Variants in NKAIN2 observed in about 807,000 individuals in gnomAD.
NKAIN2 encodes sodium/potassium transporting ATPase interacting 2.
Under a neutral mutation model 32.6 loss-of-function variants are expected in NKAIN2, and 14 were observed. That is an observed-to-expected ratio of 0.43 (90% CI 0.28 to 0.67). The LOEUF is 0.67. NKAIN2 is among the 30% of genes least tolerant of loss of function. The pLI is 0.17. For missense variants in NKAIN2, 198 were observed against 258.3 expected, an observed-to-expected ratio of 0.77 and a Z score of 1.60; for synonymous variants, 80 against 87.2, an observed-to-expected ratio of 0.92 and a Z score of 0.46.
At chr6:123,948,508 A>G (rs1370025465) in intron 1 of NKAIN2, among the ~76,000 whole-genome samples, 1 of 148,530 alleles carries the variant, frequency 6.7e-6, no homozygotes, top group Non-Finnish European at 1.5e-5. Context: ...CATTTCCCTG[A>G]TGATTAGTGA....
intron 1 of NKAIN2, among the ~76,000 whole-genome samples, chr6:123,972,681 CA>C (rs1172811013): frequency 6.6e-6 from 1 of 152,104 alleles, no homozygotes; most frequent in Non-Finnish European, 1.5e-5. Context: ...TGTTACTACT[CA>C]AAAAATAGCC....
At chr6:124,734,980 A>G (rs1776865469) in intron 4 of NKAIN2, among the ~76,000 whole-genome samples, 1 of 151,880 alleles carries the variant, frequency 6.6e-6, no homozygotes, top group Admixed American at 6.6e-5. Flanking sequence ...TGCCTTCTCT[A>G]CTGCTCTAGA....
chr6:124,632,620 T>C (rs1783614316), intron 3 of NKAIN2, among the ~76,000 whole-genome samples: 1 of 152,216 alleles, frequency 6.6e-6, no homozygotes, highest in Non-Finnish European at 1.5e-5. Context: ...TACAGTGACC[T>C]TTCCACCAGT....
At chr6:124,786,557 C>T (rs1289664244) in intron 4 of NKAIN2, among the ~76,000 whole-genome samples, 2 of 151,984 alleles carry the variant, frequency 1.3e-5, no homozygotes, top group Admixed American at 1.3e-4. Context: ...GAATTTTAAT[C>T]TGATTTAGTT....
chr6:123,976,150 C>T (rs1436238999), intron 1 of NKAIN2, among the ~76,000 whole-genome samples: 1 of 150,484 alleles, frequency 6.6e-6, no homozygotes, highest in Non-Finnish European at 1.5e-5. Context: ...TTCATTAAAC[C>T]TCTTTTTCTT....
chr6:124,594,185 A>G (rs1376519603), intron 3 of NKAIN2, among the ~76,000 whole-genome samples: 2 of 152,260 alleles, frequency 1.3e-5, no homozygotes, highest in Non-Finnish European at 2.9e-5. Context: ...GCTTGCAGCT[A>G]TGAACTGAAG....
intron 1 of NKAIN2, among the ~76,000 whole-genome samples, chr6:124,114,702 G>A (rs1014306825): frequency 6.6e-6 from 1 of 152,108 alleles, no homozygotes; most frequent in South Asian, 2.1e-4. Flanking sequence ...CAGAAGAAAC[G>A]AGAGAATGTG....
At chr6:124,256,880 CTGT>C (rs1182562717) in intron 1 of NKAIN2, among the ~76,000 whole-genome samples, 5 of 88,756 alleles carry the variant, frequency 5.6e-5, no homozygotes, top group South Asian at 3.3e-4. Flanking sequence ...AATTAGCTTT[CTGT>C]TGTTTTTTTT....
At chr6:124,465,002 G>A (rs576707388) in intron 3 of NKAIN2, among the ~76,000 whole-genome samples, 8 of 152,028 alleles carry the variant, frequency 5.3e-5, no homozygotes, top group South Asian at 2.1e-4. Context: ...ATCCATGAGC[G>A]TGTACTGTTT....
intron 1 of NKAIN2, among the ~76,000 whole-genome samples, chr6:124,057,304 T>G (rs564107637): frequency 1.3e-5 from 2 of 152,072 alleles, no homozygotes; most frequent in Non-Finnish European, 2.9e-5. Flanking sequence ...ATGTTTCTTT[T>G]TAAATTTGTC....
chr6:124,736,128 T>A (rs1156887528), intron 4 of NKAIN2, among the ~76,000 whole-genome samples: 1 of 151,822 alleles, frequency 6.6e-6, no homozygotes, highest in Non-Finnish European at 1.5e-5. Context: ...CCAATAAACA[T>A]ATAAATGATA....
At chr6:124,638,887 C>CAAAAAAAAAAAAAAAAAAAAAAAAAAAA (rs35802663) in intron 3 of NKAIN2, among the ~76,000 whole-genome samples, 1 of 82,632 alleles carries the variant, frequency 1.2e-5, no homozygotes, top group Non-Finnish European at 2.2e-5. Context: ...GAGACTCTGT[C>CAAAAAAAAAAAAAAAAAAAAAAAAAAAA]AAAAAAAAAA....
chr6:124,786,920 G>A (rs1013670209), intron 4 of NKAIN2, among the ~76,000 whole-genome samples: 4 of 151,958 alleles, frequency 2.6e-5, no homozygotes, highest in Non-Finnish European at 5.9e-5. Flanking sequence ...GCTTTGTGCC[G>A]TGTTACTTCC....
At chr6:124,255,806 A>G (rs546401672) in intron 1 of NKAIN2, among the ~76,000 whole-genome samples, 1 of 152,320 alleles carries the variant, frequency 6.6e-6, no homozygotes, top group East Asian at 1.9e-4. Flanking sequence ...TTGCCTTAAA[A>G]TATGCTCTCA....
chr6:124,459,176 A>G (rs957012968), intron 3 of NKAIN2, among the ~76,000 whole-genome samples: 1 of 151,864 alleles, frequency 6.6e-6, no homozygotes, highest in African/African-American at 2.4e-5. Flanking sequence ...GGAGTCCCCA[A>G]AGACAAATAA....
intron 3 of NKAIN2, among the ~76,000 whole-genome samples, chr6:124,395,239 A>G (rs1292725296): frequency 1.3e-5 from 2 of 152,282 alleles, no homozygotes; most frequent in African/African-American, 4.8e-5. Flanking sequence ...CTATTCCCAC[A>G]GGATGAACAT....
In NKAIN2 at chr6:124,093,288, A is replaced by C. The variant is rs540225310; in HGVS notation, c.55-189717A>C. On this transcript the variant is annotated intron_variant, in intron 1 of 6. Transcript: ENST00000368417. ...TTACGGAGAATCAGTTTATTGTTGT[A>C]ATCATGCTGCCAAGATAATTGGGGT... Among the ~76,000 whole-genome samples the C allele has an allele frequency of 2.6e-5, 4 of 152,206 alleles. No individual in the cohort carries two copies. The East Asian group carries it at 5.8e-4, about 22-fold the overall frequency.
chr6:124,024,100 T>A (rs567351829), intron 1 of NKAIN2, among the ~76,000 whole-genome samples: 8 of 152,280 alleles, frequency 5.3e-5, no homozygotes, highest in African/African-American at 1.9e-4. Flanking sequence ...AGAAACTATA[T>A]TCTGCACTTG....
rs111595549 is a variant in NKAIN2, at chr6:123,881,181, G to A, written c.54+76927G>A. ...GGATTATAGGCGGCCACCACCACACGCAGCTATTTTTTGTACTTTTAGTAG... is the reference window on the plus strand; with the variant it reads ...GGATTATAGGCGGCCACCACCACACACAGCTATTTTTTGTACTTTTAGTAG... On this transcript the variant is annotated intron_variant, in intron 1 of 6. Transcript: ENST00000368417. Among the ~76,000 whole-genome samples the A allele has an allele frequency of 4.9e-3, 753 of 152,136 alleles. 2 individuals are homozygous for A. The highest frequency in any genetic ancestry group is 0.017 in the African/African-American group (709 of 41,508).
Sources: gnomAD v4.1 joint callset for allele counts (sites outside exome capture counted in the v4.1 genomes callset) on GRCh38, gnomAD v4.1.1 for gene constraint, MANE v1.5 for transcripts, NCBI Gene and HGNC (gene_info 2026-07-23, HGNC 2026-07-21) for gene names.